The following MATN2 variants were observed in gnomAD, a reference collection of about 807,000 sequenced individuals.
MATN2 encodes matrilin-2.
MATN2 carries 69 observed loss-of-function variants against 103.2 expected under a neutral mutation model. That is an observed-to-expected ratio of 0.67 (90% CI 0.55 to 0.82). The LOEUF (loss-of-function observed/expected upper bound fraction) is 0.82. MATN2 is among the 40% of genes least tolerant of loss of function. The pLI, the probability that MATN2 is intolerant of heterozygous loss-of-function variation, is 0.00. For missense variants in MATN2, 1,023 were observed against 1,211.5 expected (o/e 0.84, Z 2.31); for synonymous variants, 429 against 450.2 (o/e 0.95, Z 0.60).
intron 1 of MATN2, among the ~76,000 whole-genome samples, chr8:97,873,956 A>T (rs921016496): frequency 9.2e-5 from 14 of 152,136 alleles, no homozygotes; most frequent in African/African-American, 3.4e-4. Flanking sequence ...CCCTTAGAAC[A>T]GTCACTGTTG....
At chr8:97,919,816 C>T (rs1809752694) in intron 2 of MATN2, among the ~76,000 whole-genome samples, 1 of 152,170 alleles carries the variant, frequency 6.6e-6, no homozygotes, top group Non-Finnish European at 1.5e-5. Flanking sequence ...CAGGTAGCTG[C>T]ATGTGTGAGA....
At chr8:97,945,331 G>A (rs1483321109) in intron 4 of MATN2, among the ~76,000 whole-genome samples, 1 of 152,072 alleles carries the variant, frequency 6.6e-6, no homozygotes, top group East Asian at 1.9e-4. Context: ...TTACAGATAA[G>A]CAAAATAAGG....
intron 2 of MATN2, among the ~76,000 whole-genome samples, chr8:97,918,273 C>A (rs534753463): frequency 9.8e-5 from 15 of 152,312 alleles, no homozygotes; most frequent in African/African-American, 3.4e-4. Context: ...GTCTCAATGA[C>A]CCCTGCACTG....
At chr8:97,902,204 C>G (rs958174745) in intron 2 of MATN2, among the ~76,000 whole-genome samples, 3 of 149,854 alleles carry the variant, frequency 2.0e-5, no homozygotes, top group Non-Finnish European at 4.4e-5. Context: ...ACAAAAAGTA[C>G]ACAGTGTTAG....
intron 10 of MATN2, among the ~76,000 whole-genome samples, chr8:98,014,500 C>G (rs1353184534): frequency 6.6e-6 from 1 of 152,244 alleles, no homozygotes; most frequent in South Asian, 2.1e-4. Flanking sequence ...TGAGCCTCCT[C>G]TGCAGCTGTA....
At chr8:97,921,511 T>G (rs1809805840) in intron 2 of MATN2, among the ~76,000 whole-genome samples, 1 of 152,206 alleles carries the variant, frequency 6.6e-6, no homozygotes, top group Non-Finnish European at 1.5e-5. Context: ...ACAAGGACCA[T>G]GGTGCCTTAA....
intron 6 of MATN2, among the ~76,000 whole-genome samples, chr8:97,986,286 A>C (rs563199768): frequency 1.3e-5 from 2 of 152,326 alleles, no homozygotes; most frequent in East Asian, 3.9e-4. Context: ...TTTTATTTTT[A>C]AATTAAATTA....
At chr8:97,979,227 C>T (rs1490442724) in intron 6 of MATN2, among the ~76,000 whole-genome samples, 1 of 152,192 alleles carries the variant, frequency 6.6e-6, no homozygotes, top group Non-Finnish European at 1.5e-5. Flanking sequence ...ATGATGAAGG[C>T]ACCATGTGTA....
intron 5 of MATN2, among the ~76,000 whole-genome samples, chr8:97,965,113 A>T (rs959746683): frequency 1.3e-5 from 2 of 152,188 alleles, no homozygotes; most frequent in Non-Finnish European, 2.9e-5. Flanking sequence ...TTTGGATGAT[A>T]AATTACATAA....
intron 10 of MATN2, among the ~76,000 whole-genome samples, chr8:98,009,332 G>C (rs1799199320): frequency 6.6e-6 from 1 of 152,184 alleles, no homozygotes; most frequent in South Asian, 2.1e-4. Flanking sequence ...TGGGGGTTGG[G>C]ATGTGTGTTC....
chr8:97,940,629 G>A (rs1016438083), intron 3 of MATN2, among the ~76,000 whole-genome samples: 2 of 152,186 alleles, frequency 1.3e-5, no homozygotes, highest in Non-Finnish European at 2.9e-5. Flanking sequence ...CTAAGCTTTT[G>A]AGAGCTCCTT....
intron 6 of MATN2, among the ~76,000 whole-genome samples, chr8:97,980,749 G>T (rs886347924): frequency 6.6e-6 from 1 of 151,494 alleles, no homozygotes; most frequent in Non-Finnish European, 1.5e-5. Flanking sequence ...GGTATTTTTT[G>T]ATAGCAGTGG....
At chr8:97,913,520 G>A (rs1019609072) in intron 2 of MATN2, among the ~76,000 whole-genome samples, 3 of 151,916 alleles carry the variant, frequency 2.0e-5, no homozygotes, top group Non-Finnish European at 4.4e-5. Context: ...TCGCCATGTT[G>A]GCCAGGCTGG....
intron 18 of MATN2, among the ~76,000 whole-genome samples, chr8:98,034,910 C>A (rs530002676): frequency 1.9e-4 from 26 of 138,486 alleles, no homozygotes; most frequent in African/African-American, 6.4e-4. Flanking sequence ...GAAGTGGAAT[C>A]ACAATTAAAA....
At chr8:98,015,509 C>T (rs1043252458) in intron 10 of MATN2, among the ~76,000 whole-genome samples, 102 of 152,202 alleles carry the variant, frequency 6.7e-4, no homozygotes, top group Non-Finnish European at 1.3e-3. Context: ...CAAGCAGCTC[C>T]CGTTGCTGCA....
chr8:97,909,228 C>T (rs1174075214), intron 2 of MATN2, among the ~76,000 whole-genome samples: 1 of 152,232 alleles, frequency 6.6e-6, no homozygotes, highest in Non-Finnish European at 1.5e-5. Context: ...ACACCATGCC[C>T]AGCCTCTTTC....
intron 18 of MATN2, chr8:98,034,076 T>C: frequency 7.0e-6 from 3 of 427,726 alleles, no homozygotes; most frequent in South Asian, 4.9e-5. Context: ...ACTCCAAACT[T>C]TTCCTTTAGC....
At chr8:97,923,172 G>A (rs1809871754) in intron 2 of MATN2, among the ~76,000 whole-genome samples, 1 of 150,470 alleles carries the variant, frequency 6.6e-6, no homozygotes, top group African/African-American at 2.5e-5. Flanking sequence ...TTACGATCAT[G>A]GCTTGCTGTC....
intron 2 of MATN2, among the ~76,000 whole-genome samples, chr8:97,914,506 G>T (rs1040441426): frequency 6.6e-6 from 1 of 151,306 alleles, no homozygotes; most frequent in Non-Finnish European, 1.5e-5. Context: ...ATGTAGCGAG[G>T]ACTACAGGCC....
Sources: allele counts gnomAD v4.1 joint callset (sites outside exome capture counted in the v4.1 genomes callset), GRCh38; gene constraint gnomAD v4.1.1; transcripts MANE v1.5; gene names NCBI Gene and HGNC (gene_info 2026-07-23, HGNC 2026-07-21).